CCDC7: variants seen among roughly 807,000 people sequenced by gnomAD.
The protein encoded by CCDC7 is coiled-coil domain-containing protein 7.
CCDC7 carries 183 observed loss-of-function variants against 196.9 expected under a neutral mutation model. The ratio of observed to expected loss-of-function variants is 0.93; its 90% CI spans 0.82 to 1.05. CCDC7 has a LOEUF of 1.05. Ranked by LOEUF, CCDC7 falls within the 50% of genes least tolerant of loss-of-function variation. The pLI, the probability that CCDC7 is intolerant of heterozygous loss-of-function variation, is 0.00. For missense variants in CCDC7, 1,540 were observed against 1,482.2 expected (o/e 1.04, Z -0.64); for synonymous variants, 525 against 484.6 (o/e 1.08, Z -1.10).
At chr10:32,714,538 C>A (rs1288433861) in intron 25 of CCDC7, among the ~76,000 whole-genome samples, 1 of 152,140 alleles carries the variant, frequency 6.6e-6, no homozygotes, top group Non-Finnish European at 1.5e-5. Context: ...ACATGGAATG[C>A]CAGTGAGACA....
chr10:32,732,063 A>ACAAAT, intron 28 of CCDC7, among the ~76,000 whole-genome samples: 1 of 152,136 alleles, frequency 6.6e-6, no homozygotes, highest in East Asian at 1.9e-4. Flanking sequence ...AAAAAACAAA[A>ACAAAT]CAAAACTGAT....
At chr10:32,460,862 A>G (rs1348816319) in intron 3 of CCDC7, among the ~76,000 whole-genome samples, 1 of 152,086 alleles carries the variant, frequency 6.6e-6, no homozygotes, top group Non-Finnish European at 1.5e-5. Context: ...GGGGCCTGAG[A>G]ATTTTCAGTA....
At chr10:32,573,551 CT>C (rs1277422119) in intron 16 of CCDC7, among the ~76,000 whole-genome samples, 2 of 152,024 alleles carry the variant, frequency 1.3e-5, no homozygotes, top group Non-Finnish European at 2.9e-5. Context: ...GTTATTACCC[CT>C]GGCAGCCCTC....
chr10:32,840,027 G>A (rs968996494), intron 33 of CCDC7, among the ~76,000 whole-genome samples: 2 of 151,982 alleles, frequency 1.3e-5, no homozygotes, highest in Non-Finnish European at 2.9e-5. Flanking sequence ...ACTGTTCATA[G>A]CATTAAATGC....
At chr10:32,467,946 G>T (rs532897575) in intron 5 of CCDC7, among the ~76,000 whole-genome samples, 1 of 152,094 alleles carries the variant, frequency 6.6e-6, no homozygotes, top group Non-Finnish European at 1.5e-5. Flanking sequence ...TGCTCTATGT[G>T]TCTGGTTTTG....
chr10:32,482,904 G>A (rs927971023), intron 8 of CCDC7, among the ~76,000 whole-genome samples: 5 of 152,112 alleles, frequency 3.3e-5, no homozygotes, highest in African/African-American at 9.7e-5. Flanking sequence ...ATCATTGTTG[G>A]ACATTTGGGT....
chr10:32,766,857 A>G (rs149571628), intron 28 of CCDC7, among the ~76,000 whole-genome samples: 1 of 151,764 alleles, frequency 6.6e-6, no homozygotes, highest in African/African-American at 2.4e-5. Flanking sequence ...CTCCCAGCCT[A>G]CTCTCTTCAG....
At chr10:32,612,029 T>C (rs2062205600) in intron 18 of CCDC7, among the ~76,000 whole-genome samples, 1 of 152,212 alleles carries the variant, frequency 6.6e-6, no homozygotes, top group African/African-American at 2.4e-5. Context: ...ATTTTCACAA[T>C]ATTGATTCTT....
chr10:32,817,250 A>G (rs999900598), intron 31 of CCDC7, among the ~76,000 whole-genome samples: 1 of 152,222 alleles, frequency 6.6e-6, no homozygotes. Context: ...ATGGAAGATC[A>G]AATGAATGAA....
intron 9 of CCDC7, among the ~76,000 whole-genome samples, chr10:32,496,404 G>A (rs11594239): frequency 0.083 from 12,568 of 152,212 alleles, 566 homozygotes; most frequent in East Asian, 0.16. Flanking sequence ...GCCCTGGCCA[G>A]AACTTCCAAT....
rs1429883519 is a variant in CCDC7 at position 32,742,993 on chromosome 10, A to G, written c.2905+13536A>G. Among the ~76,000 whole-genome samples, 3 of 152,188 alleles carry G rather than the reference A, an allele frequency of 2.0e-5. No homozygotes were observed. The East Asian group carries it at 5.8e-4, about 29-fold the overall frequency. On this transcript the variant is annotated intron_variant, in intron 28 of 41. Transcript: ENST00000639629. Reference sequence around the variant, plus strand: ...CATTTCTTCAGTGGCCTAGTGGCTAATTTCCTTTTAGCCCTGAGTAGTGCT... The same window carrying G: ...CATTTCTTCAGTGGCCTAGTGGCTAGTTTCCTTTTAGCCCTGAGTAGTGCT...
chr10:32,647,322 C>G (rs1564953999), intron 20 of CCDC7, among the ~76,000 whole-genome samples: 1 of 152,088 alleles, frequency 6.6e-6, no homozygotes, highest in African/African-American at 2.4e-5. Flanking sequence ...GCCTGGCCAA[C>G]ATGGTGAAGC....
chr10:32,743,834 T>C (rs1250417139), intron 28 of CCDC7, among the ~76,000 whole-genome samples: 2 of 151,988 alleles, frequency 1.3e-5, no homozygotes, highest in Non-Finnish European at 2.9e-5. Flanking sequence ...TCATGTCCTT[T>C]GTAGGGACAT....
chr10:32,759,520 C>A (rs2077069191), intron 28 of CCDC7, among the ~76,000 whole-genome samples: 1 of 152,012 alleles, frequency 6.6e-6, no homozygotes, highest in Non-Finnish European at 1.5e-5. Flanking sequence ...ATAAATGGTG[C>A]TGGGAAAACT....
intron 29 of CCDC7, among the ~76,000 whole-genome samples, chr10:32,792,654 C>T (rs370071798): frequency 1.9e-4 from 29 of 151,840 alleles, no homozygotes; most frequent in African/African-American, 6.0e-4. Context: ...TACAAAAATT[C>T]GCTGTGTGTG....
chr10:32,742,415 G>A (rs2086010878), intron 28 of CCDC7, among the ~76,000 whole-genome samples: 2 of 152,158 alleles, frequency 1.3e-5, no homozygotes, highest in African/African-American at 2.4e-5. Context: ...TGACAAATGT[G>A]TGATGACATG....
chr10:32,485,581 G>T (rs1248202349), intron 8 of CCDC7, among the ~76,000 whole-genome samples: 1 of 152,046 alleles, frequency 6.6e-6, no homozygotes, highest in East Asian at 1.9e-4. Flanking sequence ...TTTTAATTGT[G>T]ATGTTAGGGT....
intron 28 of CCDC7, among the ~76,000 whole-genome samples, chr10:32,736,960 T>C (rs1476567836): frequency 6.6e-6 from 1 of 152,196 alleles, no homozygotes; most frequent in Non-Finnish European, 1.5e-5. Flanking sequence ...AAAAAGCATC[T>C]GTTTTCTCAT....
chr10:32,478,273 G>T (rs1365692392), intron 8 of CCDC7, among the ~76,000 whole-genome samples: 1 of 152,124 alleles, frequency 6.6e-6, no homozygotes, highest in Non-Finnish European at 1.5e-5. Flanking sequence ...TTATCTAACA[G>T]ACAGTGTTAC....
Sources: allele counts gnomAD v4.1 joint callset (sites outside exome capture counted in the v4.1 genomes callset), GRCh38; gene constraint gnomAD v4.1.1; transcripts MANE v1.5; gene names NCBI Gene and HGNC (gene_info 2026-07-23, HGNC 2026-07-21).